The following BCAR3 variants were observed in gnomAD, a reference collection of about 807,000 sequenced individuals.
The protein encoded by BCAR3 is breast cancer anti-estrogen resistance protein 3.
A neutral mutation model predicts 80.1 loss-of-function variants in BCAR3; 37 were observed. The ratio of observed to expected loss-of-function variants is 0.46; its 90% confidence interval spans 0.36 to 0.61. The LOEUF (loss-of-function observed/expected upper bound fraction) is 0.61, where lower values mean the gene tolerates loss of function less well. Among genes scored for constraint, BCAR3 ranks in the 20% least tolerant of loss-of-function variants. BCAR3 has a pLI of 0.00. For synonymous variants in BCAR3, 389 were observed against 418.9 expected (o/e 0.93, Z 0.87); for missense variants, 978 against 1,068.2 (o/e 0.92, Z 1.18).
At chr1:93,841,444 C>G (rs1330041612) in intron 2 of BCAR3, among the ~76,000 whole-genome samples, 2 of 152,206 alleles carry the variant, frequency 1.3e-5, no homozygotes, top group African/African-American at 4.8e-5. Flanking sequence ...TAAGGCTCAG[C>G]CTTTGTTTAG....
intron 1 of BCAR3, 196 bp downstream of exon 1, chr1:93,681,402 A>T (rs1648754186): frequency 6.6e-6 from 1 of 152,076 alleles, no homozygotes; most frequent in South Asian, 2.1e-4. Context: ...CCCCAGCCCC[A>T]CTTCAGTCAC....
At chr1:93,675,012 AG>A in intron 1 of BCAR3, 71 bp from the exon 2 acceptor site, 1 of 1,267,360 alleles carries the variant, frequency 7.9e-7, no homozygotes, top group Non-Finnish European at 1.1e-6. Context: ...TACTTACAAA[AG>A]GAAATGGAAA....
intron 2 of BCAR3, among the ~76,000 whole-genome samples, chr1:93,840,010 G>A (rs1654900837): frequency 6.6e-6 from 1 of 152,140 alleles, no homozygotes. Context: ...TGCAGGAAGG[G>A]CAGAGGGCAT....
intron 3 of BCAR3, among the ~76,000 whole-genome samples, chr1:93,601,071 C>G (rs1466401209): frequency 6.6e-6 from 1 of 152,162 alleles, no homozygotes; most frequent in African/African-American, 2.4e-5. Flanking sequence ...GCTTGTTTCT[C>G]TATGCATAAG....
At chr1:93,672,361 A>G (rs745459722) in intron 2 of BCAR3, among the ~76,000 whole-genome samples, 3 of 151,790 alleles carry the variant, frequency 2.0e-5, no homozygotes, top group Admixed American at 6.6e-5. Context: ...CCTTTGTAAG[A>G]GCTGGCACCT....
chr1:93,640,475 A>G (rs1179492802), intron 3 of BCAR3, among the ~76,000 whole-genome samples: 1 of 152,204 alleles, frequency 6.6e-6, no homozygotes, highest in African/African-American at 2.4e-5. Context: ...TAAGGCTCTG[A>G]CTAGATTCAG....
At chr1:93,828,318 A>G (rs1007232935) in intron 2 of BCAR3, among the ~76,000 whole-genome samples, 1 of 152,100 alleles carries the variant, frequency 6.6e-6, no homozygotes, top group Non-Finnish European at 1.5e-5. Flanking sequence ...AGAAAATATC[A>G]TAATTCCTCT....
chr1:93,829,723 G>C (rs978946828), intron 2 of BCAR3, among the ~76,000 whole-genome samples: 1 of 152,216 alleles, frequency 6.6e-6, no homozygotes, highest in Admixed American at 6.5e-5. Flanking sequence ...AGTGTTGGCT[G>C]TGAGCCTTAT....
chr1:93,609,723 C>T lies in BCAR3; in HGVS notation c.358-17330G>A, dbSNP rs373299330. ...GGGGGCGGGCCTGCCAGCGGCCACT[C>T]CCTGTGCTCCCCTTCCAGGCTGATG... On this transcript the variant is annotated intron_variant, in intron 3 of 11. Coordinates refer to ENST00000260502, the MANE Select transcript of BCAR3 (RefSeq NM_003567.4). 1.1e-3 allele frequency among the ~76,000 whole-genome samples: 174 copies of T among 152,352 alleles called. 3 individuals are homozygous for T. Among genetic ancestry groups the T allele is most frequent in the African/African-American group, 3.9e-3 (164 of 41,568 alleles).
chr1:93,814,860 G>A (rs1653962797), intron 2 of BCAR3, among the ~76,000 whole-genome samples: 1 of 152,192 alleles, frequency 6.6e-6, no homozygotes, highest in African/African-American at 2.4e-5. Context: ...AACTAACCCA[G>A]GGATTCTGTC....
intron 3 of BCAR3, among the ~76,000 whole-genome samples, chr1:93,696,682 A>G (rs1649420091): frequency 6.6e-6 from 1 of 152,144 alleles, no homozygotes; most frequent in East Asian, 1.9e-4. Flanking sequence ...CTTGCCACCC[A>G]TAAGTGGAAA....
chr1:93,583,725 G>A (rs1159730319), intron 6 of BCAR3, among the ~76,000 whole-genome samples: 1 of 152,186 alleles, frequency 6.6e-6, no homozygotes, highest in Non-Finnish European at 1.5e-5. Flanking sequence ...GGGTTCAAAT[G>A]CTGGGTGATT....
In BCAR3 at chr1:93,695,504, C is replaced by G. The variant is rs538027722; in HGVS notation, c.-12+10588G>C. Reference sequence around the variant, plus strand: ...TGCCATCCATCCCATTCCCATCCCACTCTATCATCACCCTCTTTCTCTCTA... The same window carrying G: ...TGCCATCCATCCCATTCCCATCCCAGTCTATCATCACCCTCTTTCTCTCTA... On this transcript the variant is annotated intron_variant, in intron 3 of 13. Coordinates refer to the BCAR3 transcript ENST00000370244. Among the ~76,000 whole-genome samples, 3 of 152,298 alleles carry G rather than the reference C, an allele frequency of 2.0e-5. No individual in the cohort carries two copies. The South Asian group carries it at 6.2e-4, about 32-fold the overall frequency.
intron 3 of BCAR3, among the ~76,000 whole-genome samples, chr1:93,628,319 C>G (rs897365207): frequency 5.9e-5 from 9 of 152,202 alleles, no homozygotes; most frequent in Non-Finnish European, 1.3e-4. Flanking sequence ...TGGACAATCA[C>G]AGTAGCCTCC....
At position 93,642,313 on chromosome 1, in the gene BCAR3, T is replaced by G; in HGVS notation, c.348A>C (p.Glu116Asp). ...AATTCTCATTTCCTACCTTCACATATTCCACAGTTGGGTCCAGAAGATGTG... is the reference window on the plus strand; with the variant it reads ...AATTCTCATTTCCTACCTTCACATAGTCCACAGTTGGGTCCAGAAGATGTG... ...RDPHLLDPTVEYVKFSKERHI... is the reference protein window; with the variant it reads ...RDPHLLDPTVDYVKFSKERHI... Residue 116 changes from glutamate to aspartate, a missense_variant, in exon 3 of 12, where the codon GAA becomes GAC. By Grantham distance (45) the Glu-to-Asp change is conservative (BLOSUM62 2). Coordinates refer to ENST00000260502, the MANE Select transcript of BCAR3 (RefSeq NM_003567.4). The G allele has an allele frequency of 6.2e-7, 1 of 1,613,782 alleles. No homozygotes were observed. The highest frequency in any genetic ancestry group is 1.1e-5 in the South Asian group (1 of 91,050).
At chr1:93,565,701 C>T (rs555380977) in intron 11 of BCAR3, among the ~76,000 whole-genome samples, 34 of 152,302 alleles carry the variant, frequency 2.2e-4, no homozygotes, top group Admixed American at 6.5e-4. Flanking sequence ...GAGTAACATA[C>T]AGCCAATCCT....
chr1:93,748,286 C>G (rs1321345929), intron 2 of BCAR3, among the ~76,000 whole-genome samples: 1 of 152,162 alleles, frequency 6.6e-6, no homozygotes. Flanking sequence ...TTCTGAATTC[C>G]ATTTCAGTGG....
chr1:93,841,200 C>T (rs1654948731), intron 2 of BCAR3, among the ~76,000 whole-genome samples: 1 of 152,326 alleles, frequency 6.6e-6, no homozygotes, highest in South Asian at 2.1e-4. Context: ...CTTTGCCCCA[C>T]TGACTTTCTC....
intron 3 of BCAR3, among the ~76,000 whole-genome samples, chr1:93,630,462 A>G (rs36099617): frequency 7.3e-6 from 1 of 137,736 alleles, no homozygotes; most frequent in East Asian, 2.1e-4. Flanking sequence ...CCAGGTCTCT[A>G]AAAAAAAAAA....
Sources: gnomAD v4.1 joint callset for allele counts (sites outside exome capture counted in the v4.1 genomes callset) on GRCh38, gnomAD v4.1.1 for gene constraint, MANE v1.5 for transcripts, NCBI Gene and HGNC (gene_info 2026-07-23, HGNC 2026-07-21) for gene names.